THSD1: variants seen among roughly 807,000 people sequenced by gnomAD.
THSD1 encodes thrombospondin type 1 domain containing 1, also known as thrombospondin type-1 domain-containing protein 1.
Under a neutral mutation model 46.3 loss-of-function variants are expected in THSD1, and 34 were observed. The observed-to-expected ratio is 0.74, with a 90% confidence interval of 0.56 to 0.98. The LOEUF is 0.98. Among genes scored for constraint, THSD1 ranks in the 50% least tolerant of loss-of-function variants. The pLI is 0.00. For missense variants in THSD1, 1,023 were observed against 1,058.3 expected, an observed-to-expected ratio of 0.97 and a Z score of 0.46; for synonymous variants, 407 against 416.5, an observed-to-expected ratio of 0.98 and a Z score of 0.28.
chr13:52,378,076 G>T lies in THSD1; in HGVS notation c.1894C>A (p.His632Asn), dbSNP rs1267345482. Reference sequence around the variant, plus strand: ...GACGGGCCCCCTCTGCTGCCCACGTGCCTTGCCTGTGACTTGCGGATCAGA... The same window carrying T: ...GACGGGCCCCCTCTGCTGCCCACGTTCCTTGCCTGTGACTTGCGGATCAGA... ...QTLIRKSQAR[H>N]VGSRGGPSER... Residue 632 changes from histidine to asparagine, a missense_variant, in exon 5 of 5, where the codon CAC becomes AAC. Physicochemically the swap from His to Asn is moderately conservative, Grantham distance 68 (BLOSUM62 1). Around this residue, in one of 3 missense-constraint regions of THSD1, gnomAD observed 578 missense variants for 497.4 expected, o/e 1.16. Transcript: ENST00000258613. The T allele has an allele frequency of 6.2e-7, 1 of 1,614,154 alleles. No homozygotes were observed. Among genetic ancestry groups the T allele is most frequent in the South Asian group, 1.1e-5 (1 of 91,082 alleles).
chr13:52,378,024 T>C lies in THSD1; in HGVS notation c.1946A>G (p.His649Arg), dbSNP rs1957651053. 1 of 1,614,116 alleles carries C rather than the reference T, an allele frequency of 6.2e-7. No homozygotes were observed. Among genetic ancestry groups the C allele is most frequent in the Admixed American group, 1.7e-5 (1 of 60,010 alleles). The change falls in exon 5 of 5, where the codon CAT becomes CGT. Residue 649 changes from histidine (H) to arginine (R), a missense_variant. By Grantham distance (29) the His-to-Arg change is conservative (BLOSUM62 0). Transcript: ENST00000258613. ...PSERSHARNA[H>R]FRRTASFHEA... ...ATGGAAACTCGCTGTCCTCCTGAAA[T>C]GGGCGTTCCTGGCATGGCTCCTTTC...
intron 4 of THSD1, chr13:52,384,381 T>C (rs904872994): frequency 1.8e-5 from 8 of 455,844 alleles, no homozygotes; most frequent in African/African-American, 1.6e-4. Flanking sequence ...AGCTTCATGA[T>C]CTTGGACAGG....
At chr13:52,396,524 T>TCAAAA (rs1205559125) in intron 3 of THSD1, among the ~76,000 whole-genome samples, 83 of 152,128 alleles carry the variant, frequency 5.5e-4, no homozygotes, top group South Asian at 1.9e-3. Flanking sequence ...AGACTCTGTC[T>TCAAAA]CAAAACAAAA....
At position 52,377,947 on chromosome 13, in the gene THSD1, G is replaced by A; in HGVS notation, c.2023C>T (p.Pro675Ser). 6.2e-7 allele frequency: 1 copy of A among 1,614,176 alleles called. No homozygotes were observed. The highest frequency in any genetic ancestry group is 8.5e-7 in the Non-Finnish European group (1 of 1,180,040). ...GAGCTGTAGGCAGGGGCCTGCCGTG[G>A]AGTCAGAGTGGACATGCTCCTCTCT... is the stretch of plus-strand genomic sequence containing the variant. Reference protein sequence around the residue: ...FRERSMSTLTPRQAPAYSSRT... With the variant: ...FRERSMSTLTSRQAPAYSSRT... Residue 675 changes from proline to serine, a missense_variant, in exon 5 of 5, where the codon CCA becomes TCA. Pro to Ser is a moderately conservative substitution (Grantham distance 74, BLOSUM62 -1). This residue lies in a region of THSD1 where 578 missense variants were observed against 497.4 expected (regional missense o/e 1.16). Coordinates refer to ENST00000258613, the MANE Select transcript of THSD1 (RefSeq NM_018676.4).
In THSD1 at chr13:52,378,759, T is replaced by C. The variant is rs769784387; in HGVS notation, c.1211A>G (p.Gln404Arg). The change falls in exon 5 of 5, where the codon CAG becomes CGG. Residue 404 changes from glutamine (Q) to arginine (R), a missense_variant. Transcript: ENST00000258613. The part of the protein sequence containing the change: ...AFQPSSPSPL[Q>R]PQGPVKSNNI... ...GTTGGACTTCACTGGACCCTGGGGCTGAAGAGGAGATGGGCTGGATGGCTG... is the reference window on the plus strand; with the variant it reads ...GTTGGACTTCACTGGACCCTGGGGCCGAAGAGGAGATGGGCTGGATGGCTG... 1.2e-5 allele frequency: 19 copies of C among 1,607,428 alleles called. No individual in the cohort carries two copies. The highest frequency in any genetic ancestry group is 1.4e-5 in the Non-Finnish European group (16 of 1,178,166).
At chr13:52,398,815 A>C (rs1957831223) in intron 2 of THSD1, among the ~76,000 whole-genome samples, 1 of 151,352 alleles carries the variant, frequency 6.6e-6, no homozygotes, top group Non-Finnish European at 1.5e-5. Context: ...TTAATCAAAG[A>C]TTCTGGTGTT....
At chr13:52,400,227 A>C (rs1957845173) in intron 2 of THSD1, 1 of 153,018 alleles carries the variant, frequency 6.5e-6, no homozygotes, top group African/African-American at 2.4e-5. Flanking sequence ...CAAAGATGCA[A>C]TTGATGAGTT....
At chr13:52,395,729 C>T in intron 3 of THSD1, among the ~76,000 whole-genome samples, 1 of 152,134 alleles carries the variant, frequency 6.6e-6, no homozygotes, top group Non-Finnish European at 1.5e-5. Flanking sequence ...GTCACAGAAT[C>T]AAGGTCAATG....
intron 3 of THSD1, among the ~76,000 whole-genome samples, chr13:52,393,966 T>G (rs1450711476): frequency 6.6e-6 from 1 of 152,192 alleles, no homozygotes; most frequent in African/African-American, 2.4e-5. Context: ...CAGGCATGTT[T>G]AGCTCCCCCA....
At chr13:52,383,134 G>A (rs948171821) in intron 4 of THSD1, among the ~76,000 whole-genome samples, 24 of 152,050 alleles carry the variant, frequency 1.6e-4, no homozygotes, top group Non-Finnish European at 1.5e-5. Flanking sequence ...TGAGTATTAA[G>A]CCTGTTTATG....
Position 52,378,038 on chromosome 13 carries a change from A to T in THSD1, c.1932T>A (p.His644Gln), listed in dbSNP as rs1364666276. Residue 644 changes from histidine to glutamine, a missense_variant, in exon 5 of 5, where the codon CAT becomes CAA. His to Gln is a conservative substitution (Grantham distance 24). Around this residue, in one of 3 missense-constraint regions of THSD1, gnomAD observed 578 missense variants for 497.4 expected, o/e 1.16. Coordinates refer to ENST00000258613, the MANE Select transcript of THSD1 (RefSeq NM_018676.4). The part of the protein sequence containing the change: ...GSRGGPSERS[H>Q]ARNAHFRRTA... ...TCCTCCTGAAATGGGCGTTCCTGGC[A>T]TGGCTCCTTTCGGACGGGCCCCCTC... is the stretch of plus-strand genomic sequence containing the variant. 2.5e-6 allele frequency: 4 copies of T among 1,613,998 alleles called. No individual in the cohort carries two copies. In the Admixed American group the frequency reaches 6.7e-5, roughly 27 times the overall value.
rs1957654635 is a variant in THSD1 at position 52,378,184 on chromosome 13, C to T, written c.1786G>A (p.Ala596Thr). 7 of 1,614,192 alleles carry T rather than the reference C, an allele frequency of 4.3e-6. No individual in the cohort carries two copies. Among genetic ancestry groups the T allele is most frequent in the Non-Finnish European group, 5.1e-6 (6 of 1,180,048 alleles). ...RIKSPFPEQP[A>T]VSAGERPPSR... ...GGAGGCCTTTCCCCGGCACTGACCG[C>T]GGGCTGCTCCGGAAATGGGGATTTG... Residue 596 changes from alanine (A) to threonine (T), a missense_variant, in exon 5 of 5, where the codon GCG (alanine) becomes ACG (threonine). By Grantham distance (58) the Ala-to-Thr change is moderately conservative. Coordinates refer to ENST00000258613, the MANE Select transcript of THSD1 (RefSeq NM_018676.4).
intron 4 of THSD1, among the ~76,000 whole-genome samples, chr13:52,383,767 A>G (rs1957709615): frequency 6.6e-6 from 1 of 152,240 alleles, no homozygotes; most frequent in African/African-American, 2.4e-5. Context: ...TAGGACAAAG[A>G]GCACACTTGG....
chr13:52,389,000 G>A (rs900625722), intron 3 of THSD1, among the ~76,000 whole-genome samples: 23 of 150,028 alleles, frequency 1.5e-4, no homozygotes, highest in African/African-American at 4.9e-4. Flanking sequence ...TTGCTCTGTC[G>A]CCCAGGCTGG....
At chr13:52,403,535 AC>A (rs1302399198) in intron 1 of THSD1, among the ~76,000 whole-genome samples, 1 of 152,142 alleles carries the variant, frequency 6.6e-6, no homozygotes, top group East Asian at 1.9e-4. Context: ...AGGCTGGAGT[AC>A]AGTGGCGAGA....
intron 2 of THSD1, among the ~76,000 whole-genome samples, chr13:52,401,067 C>T (rs548860352): frequency 7.9e-5 from 12 of 152,152 alleles, no homozygotes; most frequent in African/African-American, 1.2e-4. Flanking sequence ...CTCCGCCTCC[C>T]GGGTTCAAGT....
intron 3 of THSD1, among the ~76,000 whole-genome samples, chr13:52,394,546 G>A (rs1013223886): frequency 6.6e-6 from 1 of 151,832 alleles, no homozygotes; most frequent in African/African-American, 2.4e-5. Context: ...CCTGGGAGGT[G>A]GAGTTTGCAG....
chr13:52,399,221 C>T (rs886194824), intron 2 of THSD1, among the ~76,000 whole-genome samples: 2 of 152,248 alleles, frequency 1.3e-5, no homozygotes, highest in East Asian at 3.9e-4. Context: ...AAAAAGAGAC[C>T]CAGCAGAGCA....
chr13:52,382,408 C>A (rs992036755), intron 4 of THSD1, among the ~76,000 whole-genome samples: 3 of 152,152 alleles, frequency 2.0e-5, no homozygotes, highest in Non-Finnish European at 4.4e-5. Flanking sequence ...ACAGGTACAT[C>A]TGCTGCCATG....
Sources: allele counts gnomAD v4.1 joint callset (sites outside exome capture counted in the v4.1 genomes callset), GRCh38; gene constraint gnomAD v4.1.1; regional missense constraint gnomAD v4.1.1; transcripts MANE v1.5; gene names NCBI Gene and HGNC (gene_info 2026-07-23, HGNC 2026-07-21).